Variants in WDR4 observed in about 807,000 individuals in gnomAD.
WDR4 encodes the protein tRNA (guanine-N(7)-)-methyltransferase non-catalytic subunit WDR4.
A neutral mutation model predicts 48.6 loss-of-function variants in WDR4; 47 were observed. The ratio of observed to expected loss-of-function variants is 0.97; its 90% CI spans 0.77 to 1.23. WDR4 has a LOEUF of 1.23. Among genes scored for constraint, WDR4 ranks in the 50% most tolerant of loss-of-function variants. The pLI, the probability that WDR4 is intolerant of heterozygous loss-of-function variation, is 0.00. For synonymous variants in WDR4, 268 were observed against 230.0 expected (o/e 1.17, Z -1.49); for missense variants, 606 against 551.6 (o/e 1.10, Z -0.99).
In WDR4 at chr21:42,855,767, C is replaced by G; in HGVS notation, c.641G>C (p.Arg214Thr). 1 of 1,551,976 alleles carries G rather than the reference C, an allele frequency of 6.4e-7. No individual in the cohort carries two copies. Among genetic ancestry groups the G allele is most frequent in the Non-Finnish European group, 8.7e-7 (1 of 1,147,212 alleles). The stretch of plus-strand genomic sequence containing the variant: ...GCGGCCGCTCCTGTACTCCCAGAGC[C>G]TCAGGGTGCCGTCCTGCACAAACCA... The part of the protein sequence containing the change: ...LLSSSGDGTL[R>T]LWEYRSGRQL... The change falls in exon 7 of 11, where the codon AGG becomes ACG. Residue 214 changes from arginine to threonine, a missense_variant. Coordinates refer to ENST00000398208, the MANE Select transcript of WDR4 (RefSeq NM_018669.6).
Position 42,875,916 on chromosome 21 carries a change from C to CTTTTTTTT in WDR4, c.155+778_155+785dup, listed in dbSNP as rs71194083. Among the ~76,000 whole-genome samples the CTTTTTTTT allele has an allele frequency of 2.0e-3, 206 of 104,876 alleles. 6 individuals are homozygous for CTTTTTTTT. The highest frequency in any genetic ancestry group is 4.1e-3 in the African/African-American group (100 of 24,682). 68.8% of individuals were successfully genotyped at this position (104,876 alleles called of 152,430 possible). ...TATTTAGAAAAGTCCTAACACTGTG[C>CTTTTTTTT]TTTTTTTTTTTTTTTTTTTGAGACG... On this transcript the variant is annotated intron_variant, in intron 2 of 10. Coordinates refer to ENST00000398208, the MANE Select transcript of WDR4 (RefSeq NM_018669.6).
At chr21:42,856,770 C>CACACACGCATGCACAT (rs2058002997) in intron 6 of WDR4, among the ~76,000 whole-genome samples, 1 of 152,162 alleles carries the variant, frequency 6.6e-6, no homozygotes, top group Non-Finnish European at 1.5e-5. Context: ...TGAATGCACA[C>CACACACGCATGCACAT]ACACACGCAT....
chr21:42,880,145 T>C (rs946389253), upstream of WDR4, among the ~76,000 whole-genome samples: 1 of 147,306 alleles, frequency 6.8e-6, no homozygotes, highest in African/African-American at 2.5e-5. Context: ...AAAAAAAAAA[T>C]GTCCAAGATG....
chr21:42,882,175 G>A (rs560702755), upstream of WDR4, among the ~76,000 whole-genome samples: 69 of 151,654 alleles, frequency 4.5e-4, no homozygotes, highest in African/African-American at 1.4e-3. Flanking sequence ...GATTACAGGC[G>A]TGAGCCACTG....
At chr21:42,843,396 C>T (rs1433139337) in intron 11 of WDR4, 1 of 141,328 alleles carries the variant, frequency 7.1e-6, no homozygotes, top group Non-Finnish European at 1.5e-5. Flanking sequence ...AAATGGAAGA[C>T]ACTGGTGTGC....
Position 42,849,947 on chromosome 21 carries a change from T to C in WDR4, c.*102A>G, listed in dbSNP as rs1430575518. On this transcript the variant is annotated 3_prime_UTR_variant, in exon 11 of 11. Coordinates refer to ENST00000398208, the MANE Select transcript of WDR4 (RefSeq NM_018669.6). ...CCCCATCCTCTGAGCTGGTCACAAC[T>C]GATGTCACCTTTTCCTTCTTGAAGG... 7 of 1,450,958 alleles carry C rather than the reference T, an allele frequency of 4.8e-6. No homozygotes were observed. The Admixed American group carries it at 7.9e-5, about 16-fold the overall frequency. The allele number at this position is 1,450,958 out of a possible 1,614,324, so 89.9% of individuals were successfully genotyped here.
intron 10 of WDR4, among the ~76,000 whole-genome samples, chr21:42,852,046 C>CT: frequency 6.6e-6 from 1 of 152,330 alleles, no homozygotes; most frequent in African/African-American, 2.4e-5. Context: ...AAGTGGCTCT[C>CT]GTTAGCCTGA....
At chr21:42,846,952 C>T (rs993933455), downstream of WDR4, among the ~76,000 whole-genome samples, 70 of 151,354 alleles carry the variant, frequency 4.6e-4, no homozygotes, top group African/African-American at 1.6e-3. Flanking sequence ...ACCCGGGAGG[C>T]GGAGGTTGCA....
At chr21:42,885,850 C>T in the WDR4 span, among the ~76,000 whole-genome samples, 15 of 152,178 alleles carry the variant, frequency 9.9e-5, no homozygotes, top group East Asian at 1.4e-3. Flanking sequence ...TGTACATGAC[C>T]ATGACCCATT....
At chr21:42,851,188 G>A (rs1013433624) in intron 10 of WDR4, among the ~76,000 whole-genome samples, 6 of 152,208 alleles carry the variant, frequency 3.9e-5, no homozygotes, top group African/African-American at 7.2e-5. Context: ...CCTAGAGCAC[G>A]GGGGCCATGA....
At chr21:42,872,025 C>A (rs560542267) in intron 3 of WDR4, among the ~76,000 whole-genome samples, 3 of 152,084 alleles carry the variant, frequency 2.0e-5, no homozygotes, top group Non-Finnish European at 4.4e-5. Context: ...GCTCTTCTCA[C>A]CCAGGCTGGA....
downstream of WDR4, among the ~76,000 whole-genome samples, chr21:42,849,020 CGCGCACCTCACACACACA>C (rs1194836656): frequency 2.1e-3 from 282 of 132,474 alleles, 2 homozygotes; most frequent in African/African-American, 7.3e-3. Context: ...ACGATCACAC[CGCGCACCTCACACACACA>C]GCGCACGATC....
chr21:42,855,662 G>A lies in WDR4; in HGVS notation c.726+20C>T. The A allele has an allele frequency of 1.3e-6, 2 of 1,536,476 alleles. No individual in the cohort carries two copies. Among genetic ancestry groups the A allele is most frequent in the East Asian group, 2.5e-5 (1 of 40,700 alleles). On this transcript the variant is annotated intron_variant, in intron 7 of 10. Transcript: ENST00000398208. ...TGTCTACAAGCACTCAGTCGCCCAG[G>A]AGTGAACAGAAGCAGCTACCTGGGG...
intron 6 of WDR4, 44 bp downstream of exon 6, chr21:42,859,618 G>T: frequency 2.4e-6 from 1 of 414,472 alleles, no homozygotes; most frequent in Non-Finnish European, 4.8e-6. Flanking sequence ...CCTCCCTGCA[G>T]GCTCAAGAAT....
At chr21:42,883,164 A>G (rs935724988), upstream of WDR4, among the ~76,000 whole-genome samples, 7 of 150,956 alleles carry the variant, frequency 4.6e-5, no homozygotes, top group African/African-American at 7.3e-5. Context: ...AGTCCCAGAT[A>G]CTCAGGAGGC....
chr21:42,872,501 C>T (rs1343618334), intron 3 of WDR4, among the ~76,000 whole-genome samples: 1 of 151,202 alleles, frequency 6.6e-6, no homozygotes, highest in Non-Finnish European at 1.5e-5. Context: ...GTCCCAGCTA[C>T]TCGAGAGGCT....
chr21:42,848,628 A>G (rs1170418971), downstream of WDR4, among the ~76,000 whole-genome samples: 91 of 58,446 alleles, frequency 1.6e-3, 6 homozygotes, highest in Non-Finnish European at 1.8e-3. Flanking sequence ...GCACGATCAC[A>G]CCGCGCACCT....
At chr21:42,879,128 G>A in intron 1 of WDR4, 2 of 1,221,684 alleles carry the variant, frequency 1.6e-6, no homozygotes, top group Non-Finnish European at 2.0e-6. Flanking sequence ...GCGACCCGGC[G>A]GCGCTAACCG....
At chr21:42,877,562 AAAACTGT>A (rs375330648) in intron 1 of WDR4, among the ~76,000 whole-genome samples, 15 of 152,188 alleles carry the variant, frequency 9.9e-5, no homozygotes, top group African/African-American at 3.4e-4. Context: ...ACTTGACAAG[AAAACTGT>A]CTAGATACAA....
Sources: gnomAD v4.1 joint callset for allele counts (sites outside exome capture counted in the v4.1 genomes callset) on GRCh38, gnomAD v4.1.1 for gene constraint, MANE v1.5 for transcripts, NCBI Gene and HGNC (gene_info 2026-07-23, HGNC 2026-07-21) for gene names.